Variants in TXNIP observed in about 807,000 individuals in gnomAD.
TXNIP encodes thioredoxin interacting protein, also known as thioredoxin-interacting protein.
TXNIP carries 23 observed loss-of-function variants against 43.9 expected under a neutral mutation model. The observed-to-expected ratio is 0.52, with a 90% confidence interval of 0.38 to 0.74. TXNIP has a LOEUF of 0.74. Ranked by LOEUF, TXNIP falls within the 30% of genes least tolerant of loss-of-function variation. The pLI is 0.00. For synonymous variants in TXNIP, 234 were observed against 172.2 expected, an observed-to-expected ratio of 1.36 and a Z score of -2.81; for missense variants, 555 against 485.4, an observed-to-expected ratio of 1.14 and a Z score of -1.35.
In TXNIP at chr1:145,994,563, C is replaced by T. The variant is rs201978007; in HGVS notation, c.812G>A (p.Arg271Gln). 21 of 1,614,054 alleles carry T rather than the reference C, an allele frequency of 1.3e-5. No homozygotes were observed. Among genetic ancestry groups the T allele is most frequent in the South Asian group, 3.3e-5 (3 of 91,082 alleles). ...ACCCACCAGTAAGGAATATTCAACTCGAAGGATGTTGCAGCCCAGGATAGA... is the reference window on the plus strand; with the variant it reads ...ACCCACCAGTAAGGAATATTCAACTTGAAGGATGTTGCAGCCCAGGATAGA... Reference protein sequence around the residue: ...RPSILGCNILRVEYSLLIYVS... With the variant: ...RPSILGCNILQVEYSLLIYVS... The change falls in exon 5 of 8, where the codon CGA becomes CAA. Residue 271 changes from arginine to glutamine, a missense_variant. Physicochemically the swap from Arg to Gln is conservative, Grantham distance 43 (BLOSUM62 1). Transcript: ENST00000582401.
rs9245 is a variant in TXNIP, at chr1:145,996,488, T to G, written c.-222A>C. 0.9 allele frequency: 421,601 copies of G among 466,122 alleles called. 191,172 individuals carry two copies. The highest frequency in any genetic ancestry group is 0.94 in the African/African-American group (47,784 of 50,788). The allele number at this position is 466,122 out of a possible 1,614,324, so 28.9% of individuals were successfully genotyped here. A position where few individuals can be genotyped will look rare whatever the true frequency, so the allele number is the denominator to read the frequency against. ...ATATACGCCGCTGGTTACACTAAGC[T>G]AATTCAGAGAAAAAGCCTTCTTTCC... On this transcript the variant is annotated 5_prime_UTR_variant, in exon 1 of 8. Transcript: ENST00000582401.
At chr1:145,995,568 T>G in intron 1 of TXNIP, 92 bp from the exon 2 acceptor site, 2 of 1,136,876 alleles carry the variant, frequency 1.8e-6, no homozygotes, top group Non-Finnish European at 2.7e-6. Flanking sequence ...GCATGCAAGG[T>G]ATTGAAGTAC....
In TXNIP at chr1:145,995,041, A is replaced by C. The variant is rs1163963139; in HGVS notation, c.472-10T>G. ...TAGCAGACACAGGTGCCTATATAGA[A>C]GGGGATAAAAAGGTGTTTTGAGATG... On this transcript the variant is annotated splice_polypyrimidine_tract_variant and intron_variant, in intron 3 of 7. Transcript: ENST00000582401. The C allele has an allele frequency of 3.1e-6, 5 of 1,613,830 alleles. No individual in the cohort carries two copies. The African/African-American group carries it at 5.3e-5, about 17-fold the overall frequency.
chr1:145,995,821 TA>T (rs1335297319), intron 1 of TXNIP, 195 bp downstream of exon 1: 1 of 727,682 alleles, frequency 1.4e-6, no homozygotes, highest in Non-Finnish European at 2.2e-6. Flanking sequence ...CACAGCACCA[TA>T]AAAAATTGTA....
rs1324782358 is a variant in TXNIP, at chr1:145,992,702, G to C, written c.*1149C>G. ...GACCAAGTGCTGGCAGCTGCAGTGA[G>C]GGGCCAATATCCCTATCTCCTAACA... On this transcript the variant is annotated 3_prime_UTR_variant, in exon 8 of 8. Transcript: ENST00000582401. The C allele has an allele frequency of 6.5e-6, 1 of 152,872 alleles. No homozygotes were observed. Among genetic ancestry groups the C allele is most frequent in the Non-Finnish European group, 1.5e-5 (1 of 68,172 alleles). 9.5% of individuals were successfully genotyped at this position (152,872 alleles called of 1,614,324 possible).
Position 145,995,755 on chromosome 1 carries a change from T to G in TXNIP, c.250+262A>C, listed in dbSNP as rs1395810653. 12 of 609,674 alleles carry G rather than the reference T, an allele frequency of 2.0e-5. No individual in the cohort carries two copies. In the African/African-American group the frequency reaches 2.2e-4, roughly 11 times the overall value. The allele number at this position is 609,674 out of a possible 1,614,324, so 37.8% of individuals were successfully genotyped here. Reference sequence around the variant, plus strand: ...AAGTAGACAAAGAATAAGCAACTTATGCACACATAAGACTTTAACTACCCG... The same window carrying G: ...AAGTAGACAAAGAATAAGCAACTTAGGCACACATAAGACTTTAACTACCCG... On this transcript the variant is annotated intron_variant, in intron 1 of 7. Transcript: ENST00000582401.
intron 1 of TXNIP, 140 bp from the exon 2 acceptor site, chr1:145,995,616 C>G (rs932680935): frequency 1.5e-5 from 12 of 800,048 alleles, no homozygotes; most frequent in Non-Finnish European, 2.5e-5. Context: ...TTTAATCCAT[C>G]CCATATTGTT....
chr1:145,995,424 G>A lies in TXNIP; in HGVS notation c.303C>T (p.Phe101=), dbSNP rs782028885. The change falls in exon 2 of 8, where the codon TTC becomes TTT. Residue 101 remains phenylalanine (F), a synonymous_variant. Transcript: ENST00000582401. The part of the protein sequence containing the change: ...MRPGNKYEYK[F]GFELPQGPLG... ...TTTACCCCTGAGGAAGCTCAAAGCC[G>A]AACTTGTACTCATATTTGTTTCCAG... is the stretch of plus-strand genomic sequence containing the variant. 1.9e-6 allele frequency: 3 copies of A among 1,613,832 alleles called. No homozygotes were observed. Among genetic ancestry groups the A allele is most frequent in the Admixed American group, 1.7e-5 (1 of 59,960 alleles).
Position 145,993,642 on chromosome 1 carries a change from T to C in TXNIP, c.*209A>G, listed in dbSNP as rs1553765742. The stretch of plus-strand genomic sequence containing the variant: ...TAAACCCATCCAACAAACACCCCTG[T>C]ATCACAACATGGGCGCTGGCTGAGG... On this transcript the variant is annotated 3_prime_UTR_variant, in exon 8 of 8. Coordinates refer to ENST00000582401, the MANE Select transcript of TXNIP (RefSeq NM_006472.6). 7.1e-6 allele frequency: 4 copies of C among 566,610 alleles called. No individual in the cohort carries two copies. In the Admixed American group the frequency reaches 9.7e-5, roughly 14 times the overall value. The allele number at this position is 566,610 out of a possible 1,614,324, so 35.1% of individuals were successfully genotyped here.
Position 145,994,365 on chromosome 1 carries a change from G to T in TXNIP, c.904C>A (p.Leu302Ile). The T allele has an allele frequency of 6.2e-7, 1 of 1,614,192 alleles. No individual in the cohort carries two copies. The highest frequency in any genetic ancestry group is 8.5e-7 in the Non-Finnish European group (1 of 1,180,040). ...LPLVIGSRSGLSSRTSSMASR... is the reference protein window; with the variant it reads ...LPLVIGSRSGISSRTSSMASR... Reference sequence around the variant, plus strand: ...GCCATGCTGGATGTTCTGCTGCTTAGACCTGATCTGCTGCCAATTACCAGG... The same window carrying T: ...GCCATGCTGGATGTTCTGCTGCTTATACCTGATCTGCTGCCAATTACCAGG... The change falls in exon 6 of 8, where the codon CTA becomes ATA. Residue 302 changes from leucine to isoleucine, a missense_variant. By Grantham distance (5) the Leu-to-Ile change is conservative (BLOSUM62 2). Transcript: ENST00000582401.
chr1:145,994,460 A>T, intron 5 of TXNIP, 23 bp from the exon 6 acceptor site: 1 of 1,613,536 alleles, frequency 6.2e-7, no homozygotes, highest in Non-Finnish European at 8.5e-7. Flanking sequence ...ATGGCAGTTT[A>T]TTACACCAGA....
rs1553766660 is a variant in TXNIP at position 145,996,406 on chromosome 1, A to C, written c.-140T>G. On this transcript the variant is annotated 5_prime_UTR_variant, in exon 1 of 8. In the 5' UTR this introduces an upstream ATG that the reference lacks. Coordinates refer to ENST00000582401, the MANE Select transcript of TXNIP (RefSeq NM_006472.6). Reference sequence around the variant, plus strand: ...TTAAGCAGTTTGAGCTTAAAAATAAAATAAGATTTAAACAAATGAATATTA... The same window carrying C: ...TTAAGCAGTTTGAGCTTAAAAATAACATAAGATTTAAACAAATGAATATTA... 2 of 1,058,914 alleles carry C rather than the reference A, an allele frequency of 1.9e-6. No homozygotes were observed. The highest frequency in any genetic ancestry group is 2.8e-5 in the Admixed American group (1 of 35,358). 65.6% of individuals were successfully genotyped at this position (1,058,914 alleles called of 1,614,324 possible).
Position 145,993,772 on chromosome 1 carries a change from A to T in TXNIP, c.*79T>A. Reference sequence around the variant, plus strand: ...CCACACTCCATTGCAGAGACTGTTGAGTCTCTGAAAAAGTGAGTGTCCAGG... The same window carrying T: ...CCACACTCCATTGCAGAGACTGTTGTGTCTCTGAAAAAGTGAGTGTCCAGG... On this transcript the variant is annotated 3_prime_UTR_variant, in exon 8 of 8. Coordinates refer to ENST00000582401, the MANE Select transcript of TXNIP (RefSeq NM_006472.6). The T allele has an allele frequency of 1.9e-6, 3 of 1,542,018 alleles. No homozygotes were observed. The South Asian group carries it at 3.4e-5, about 18-fold the overall frequency.
intron 7 of TXNIP, 38 bp downstream of exon 7, chr1:145,993,978 C>G: frequency 6.2e-7 from 1 of 1,613,908 alleles, no homozygotes; most frequent in Non-Finnish European, 8.5e-7. Context: ...TTATAGAAAG[C>G]TTAGGACAAA....
In TXNIP at chr1:145,993,649, A is replaced by G. The variant is rs1444522337; in HGVS notation, c.*202T>C. On this transcript the variant is annotated 3_prime_UTR_variant, in exon 8 of 8. Coordinates refer to ENST00000582401, the MANE Select transcript of TXNIP (RefSeq NM_006472.6). ...ATCCAACAAACACCCCTGTATCACA[A>G]CATGGGCGCTGGCTGAGGATGAGTC... 5 of 586,308 alleles carry G rather than the reference A, an allele frequency of 8.5e-6. No individual in the cohort carries two copies. In the African/African-American group the frequency reaches 9.3e-5, roughly 11 times the overall value. 36.3% of individuals were successfully genotyped at this position (586,308 alleles called of 1,614,324 possible). A position where few individuals can be genotyped will look rare whatever the true frequency, so the allele number is the denominator to read the frequency against.
rs1284068107 is a variant in TXNIP at position 145,994,367 on chromosome 1, C to T, written c.902G>A (p.Gly301Asp). 3 of 1,614,040 alleles carry T rather than the reference C, an allele frequency of 1.9e-6. No homozygotes were observed. The African/African-American group carries it at 4.0e-5, about 22-fold the overall frequency. The change falls in exon 6 of 8, where the codon GGT becomes GAT. Residue 301 changes from glycine to aspartate, a missense_variant. Gly to Asp is a moderately conservative substitution (Grantham distance 94). Coordinates refer to ENST00000582401, the MANE Select transcript of TXNIP (RefSeq NM_006472.6). ...DLPLVIGSRS[G>D]LSSRTSSMAS... ...CATGCTGGATGTTCTGCTGCTTAGACCTGATCTGCTGCCAATTACCAGGGG... is the reference window on the plus strand; with the variant it reads ...CATGCTGGATGTTCTGCTGCTTAGATCTGATCTGCTGCCAATTACCAGGGG...
rs1425196792 is a variant in TXNIP at position 145,993,604 on chromosome 1, T to C, written c.*247A>G. The C allele has an allele frequency of 2.2e-5, 9 of 413,398 alleles. No homozygotes were observed. Among genetic ancestry groups the C allele is most frequent in the Non-Finnish European group, 3.9e-5 (9 of 230,010 alleles). 25.6% of individuals were successfully genotyped at this position (413,398 alleles called of 1,614,324 possible). On this transcript the variant is annotated 3_prime_UTR_variant, in exon 8 of 8. Coordinates refer to ENST00000582401, the MANE Select transcript of TXNIP (RefSeq NM_006472.6). ...TGAGAAAATGGATGGGCCTGAGTTTTTCTAGTTATTTTTAAACCCATCCAA... is the reference window on the plus strand; with the variant it reads ...TGAGAAAATGGATGGGCCTGAGTTTCTCTAGTTATTTTTAAACCCATCCAA...
chr1:145,996,223 T>A lies in TXNIP; in HGVS notation c.44A>T (p.Asn15Ile), dbSNP rs1052757341. Reference sequence around the variant, plus strand: ...ACTGCCGTACACCTTTTCAGGGTCGTTAAAGACCACCTCAAAAGACTTGAT... The same window carrying A: ...ACTGCCGTACACCTTTTCAGGGTCGATAAAGACCACCTCAAAAGACTTGAT... The part of the protein sequence containing the change: ...KKIKSFEVVF[N>I]DPEKVYGSGE... Residue 15 changes from asparagine (N) to isoleucine (I), a missense_variant, in exon 1 of 8, where the codon AAC (asparagine) becomes ATC (isoleucine). Asn to Ile is a moderately radical substitution (Grantham distance 149, BLOSUM62 -3). Coordinates refer to ENST00000582401, the MANE Select transcript of TXNIP (RefSeq NM_006472.6). 8.1e-6 allele frequency: 13 copies of A among 1,613,894 alleles called. No homozygotes were observed. The Admixed American group carries it at 8.3e-5, about 10-fold the overall frequency.
Position 145,996,503 on chromosome 1 carries a change from G to C in TXNIP, c.-237C>G, listed in dbSNP as rs59266851. On this transcript the variant is annotated 5_prime_UTR_variant, in exon 1 of 8. Transcript: ENST00000582401. ...TACACTAAGCTAATTCAGAGAAAAA[G>C]CCTTCTTTCCCCCAATTGCTGGAGA... 4.1e-5 allele frequency: 17 copies of C among 414,742 alleles called. No individual in the cohort carries two copies. In the East Asian group the frequency reaches 6.8e-4, roughly 17 times the overall value. The allele number at this position is 414,742 out of a possible 1,614,324, so 25.7% of individuals were successfully genotyped here.
Sources: allele counts gnomAD v4.1 joint callset, GRCh38; gene constraint gnomAD v4.1.1; transcripts MANE v1.5; gene names NCBI Gene and HGNC (gene_info 2026-07-23, HGNC 2026-07-21).